Variants in HTRA1 observed in about 807,000 individuals in gnomAD.
The protein encoded by HTRA1 is HtrA serine peptidase 1, also known as serine protease HTRA1.
In HTRA1, 26 loss-of-function variants were observed where a neutral mutation model predicts 49.7. The observed-to-expected ratio is 0.52, with a 90% CI of 0.38 to 0.73. The LOEUF is 0.73. HTRA1 is among the 30% of genes least tolerant of loss of function. HTRA1 has a pLI of 0.00. For missense variants in HTRA1, 561 were observed against 667.2 expected (o/e 0.84, Z 1.75); for synonymous variants, 291 against 286.9 (o/e 1.01, Z -0.14).
intron 7 of HTRA1, among the ~76,000 whole-genome samples, chr10:122,510,969 G>T (rs1195641828): frequency 6.6e-6 from 1 of 152,186 alleles, no homozygotes; most frequent in Non-Finnish European, 1.5e-5. Context: ...TTTGCCTTTG[G>T]AACTACGAGG....
chr10:122,461,586 C>T lies in HTRA1; in HGVS notation c.-67C>T, dbSNP rs2097481219. On this transcript the variant is annotated 5_prime_UTR_variant, in exon 1 of 9. Coordinates refer to ENST00000368984, the MANE Select transcript of HTRA1 (RefSeq NM_002775.5). ...CCGCTGCCCCCGAGGCCCTCCTGCA[C>T]TCTCCCCGGCGCCGCTCTCCGGCCC... The T allele has an allele frequency of 1.9e-6, 2 of 1,065,456 alleles. No homozygotes were observed. The highest frequency in any genetic ancestry group is 1.7e-5 in the African/African-American group (1 of 57,736). 66.0% of individuals were successfully genotyped at this position (1,065,456 alleles called of 1,614,324 possible). A position where few individuals can be genotyped will look rare whatever the true frequency, so the allele number is the denominator to read the frequency against.
intron 1 of HTRA1, among the ~76,000 whole-genome samples, chr10:122,488,043 G>C (rs1040117409): frequency 2.6e-5 from 4 of 152,164 alleles, no homozygotes; most frequent in African/African-American, 9.7e-5. Flanking sequence ...AACTGCTTTG[G>C]GGACAGACGA....
At chr10:122,462,179 T>A (rs1191836157) in intron 1 of HTRA1, 55 bp downstream of exon 1, 9 of 1,406,056 alleles carry the variant, frequency 6.4e-6, no homozygotes, top group Non-Finnish European at 8.7e-6. Context: ...AGCTCGGACC[T>A]GCTTCTGCGG....
At chr10:122,480,251 C>T (rs935811425) in intron 1 of HTRA1, among the ~76,000 whole-genome samples, 2 of 151,870 alleles carry the variant, frequency 1.3e-5, no homozygotes, top group African/African-American at 2.4e-5. Flanking sequence ...GCTGGCCCCA[C>T]GGGGAACGTG....
In HTRA1 at chr10:122,506,753, C is replaced by G. The variant is rs141925572; in HGVS notation, c.840C>G (p.Val280=). Reference sequence around the variant, plus strand: ...AGCTGCGGCCGGGAGAGTTCGTGGTCGCCATCGGAAGCCCGTTTTCCCTTC... The same window carrying G: ...AGCTGCGGCCGGGAGAGTTCGTGGTGGCCATCGGAAGCCCGTTTTCCCTTC... ...SSELRPGEFV[V]AIGSPFSLQN... The change falls in exon 4 of 9, where the codon GTC becomes GTG. Residue 280 remains valine (V), a synonymous_variant. Transcript: ENST00000368984. The surrounding 1 kb of genome is among the most constrained non-coding windows in gnomAD (Gnocchi z 5.2). The G allele has an allele frequency of 6.2e-7, 1 of 1,613,740 alleles. No homozygotes were observed. The highest frequency in any genetic ancestry group is 1.7e-5 in the Admixed American group (1 of 60,018).
At chr10:122,485,891 C>A (rs1449758057) in intron 1 of HTRA1, among the ~76,000 whole-genome samples, 1 of 152,324 alleles carries the variant, frequency 6.6e-6, no homozygotes, top group Admixed American at 6.5e-5. Flanking sequence ...GGAGTTAAAC[C>A]TCTTCTTGGC....
chr10:122,486,653 G>A (rs371092764), intron 1 of HTRA1, among the ~76,000 whole-genome samples: 39 of 152,264 alleles, frequency 2.6e-4, no homozygotes, highest in South Asian at 8.3e-4. Context: ...AAGCTGTGAC[G>A]GGTCACAAGA....
chr10:122,502,856 C>T (rs1451734148), intron 3 of HTRA1, among the ~76,000 whole-genome samples: 1 of 152,256 alleles, frequency 6.6e-6, no homozygotes, highest in Non-Finnish European at 1.5e-5. Context: ...CCCGTCACTG[C>T]AGTCATGCCC....
intron 3 of HTRA1, among the ~76,000 whole-genome samples, chr10:122,501,047 C>T (rs544140347): frequency 6.6e-6 from 1 of 152,246 alleles, no homozygotes; most frequent in African/African-American, 2.4e-5. Context: ...GAGAAGAACA[C>T]CTGGAGTGGA....
chr10:122,507,458 T>C, intron 5 of HTRA1, 56 bp downstream of exon 5: 1 of 1,297,912 alleles, frequency 7.7e-7, no homozygotes, highest in Non-Finnish European at 1.1e-6. Flanking sequence ...TATACGCTGT[T>C]TTTTGTTTGT....
chr10:122,505,298 T>C (rs2097502587), intron 3 of HTRA1, among the ~76,000 whole-genome samples: 2 of 152,164 alleles, frequency 1.3e-5, no homozygotes, highest in Admixed American at 6.5e-5. Flanking sequence ...GGGACCTTCC[T>C]CCTCCTCAGT....
Position 122,508,780 on chromosome 10 carries a change from G to A in HTRA1, c.1120+10G>A. The A allele has an allele frequency of 3.3e-6, 5 of 1,500,098 alleles. No homozygotes were observed. Among genetic ancestry groups the A allele is most frequent in the Non-Finnish European group, 4.6e-6 (5 of 1,075,858 alleles). 92.9% of individuals were successfully genotyped at this position (1,500,098 alleles called of 1,614,324 possible). ...GACCGACAGGCCAAAGGTAGGCAAGGCCCACACAGCCCTGGGGACTCCGGA... is the reference window on the plus strand; with the variant it reads ...GACCGACAGGCCAAAGGTAGGCAAGACCCACACAGCCCTGGGGACTCCGGA... On this transcript the variant is annotated intron_variant, in intron 6 of 8. Coordinates refer to ENST00000368984, the MANE Select transcript of HTRA1 (RefSeq NM_002775.5).
At chr10:122,466,788 T>C (rs1472185137) in intron 1 of HTRA1, among the ~76,000 whole-genome samples, 1 of 152,088 alleles carries the variant, frequency 6.6e-6, no homozygotes, top group Non-Finnish European at 1.5e-5. Flanking sequence ...GTGGAAACAT[T>C]TGTGAGTCTC....
chr10:122,510,324 T>A (rs972933537), intron 7 of HTRA1, among the ~76,000 whole-genome samples, 171 bp downstream of exon 7: 1 of 152,154 alleles, frequency 6.6e-6, no homozygotes, highest in African/African-American at 2.4e-5. Context: ...CTTGGCCCCT[T>A]TGTTTGGTTT....
In HTRA1 at chr10:122,510,573, G is replaced by A. The variant is rs574472449; in HGVS notation, c.1178+420G>A. ...TGCTTTCGTTGCTCTGCAGCTCGTG[G>A]GCCGCGGCTCCAGGAATGCCAGGGC... On this transcript the variant is annotated intron_variant, in intron 7 of 8. Transcript: ENST00000368984. Among the ~76,000 whole-genome samples the A allele has an allele frequency of 5.3e-5, 8 of 152,272 alleles. No individual in the cohort carries two copies. In the South Asian group the frequency reaches 1.7e-3, roughly 32 times the overall value.
chr10:122,507,262 T>A, intron 4 of HTRA1, 108 bp from the exon 5 acceptor site: 1 of 868,356 alleles, frequency 1.2e-6, no homozygotes, highest in East Asian at 2.4e-5. Flanking sequence ...CAGAGAAGAA[T>A]CGTGCCCCCC....
chr10:122,488,055 G>T (rs1362369415), intron 1 of HTRA1, among the ~76,000 whole-genome samples: 1 of 152,162 alleles, frequency 6.6e-6, no homozygotes. Context: ...GACAGACGAT[G>T]GCCTCAGCTT....
In HTRA1 at chr10:122,463,046, C is replaced by A. The variant is rs2097482251; in HGVS notation, c.472+922C>A. On this transcript the variant is annotated intron_variant, in intron 1 of 8. Transcript: ENST00000368984. ...ATATCGAGTTCAGCAGCGGCCAGCC[C>A]CGCGTTGTAGGAACCAGACAGCGGG... 3.9e-5 allele frequency among the ~76,000 whole-genome samples: 6 copies of A among 152,388 alleles called. No individual in the cohort carries two copies. The South Asian group carries it at 1.2e-3, about 32-fold the overall frequency.
chr10:122,471,223 A>G (rs535362182), intron 1 of HTRA1, among the ~76,000 whole-genome samples: 1 of 152,240 alleles, frequency 6.6e-6, no homozygotes, highest in South Asian at 2.1e-4. Flanking sequence ...AATATAGCCC[A>G]GTGTGGTTTA....
Sources: allele counts gnomAD v4.1 joint callset (sites outside exome capture counted in the v4.1 genomes callset), GRCh38; gene constraint gnomAD v4.1.1; non-coding constraint Gnocchi (gnomAD v3.1); transcripts MANE v1.5; gene names NCBI Gene and HGNC (gene_info 2026-07-23, HGNC 2026-07-21).